Variants in PKNOX2 observed in about 807,000 individuals in gnomAD.
PKNOX2 encodes the protein PBX/knotted 1 homeobox 2.
PKNOX2 carries 14 observed loss-of-function variants against 53.1 expected under a neutral mutation model. That is an observed-to-expected ratio of 0.26 (90% CI 0.17 to 0.41). The LOEUF (loss-of-function observed/expected upper bound fraction) is 0.41. PKNOX2 is among the 10% of genes least tolerant of loss of function. The pLI is 1.00. For synonymous variants in PKNOX2, 257 were observed against 242.8 expected, an observed-to-expected ratio of 1.06 and a Z score of -0.54; for missense variants, 496 against 602.8, an observed-to-expected ratio of 0.82 and a Z score of 1.85.
chr11:125,418,129 G>A (rs1256798199), intron 10 of PKNOX2, among the ~76,000 whole-genome samples: 1 of 151,902 alleles, frequency 6.6e-6, no homozygotes, highest in Non-Finnish European at 1.5e-5. Context: ...AAAAAGAAAG[G>A]TTGTACCCAT....
intron 1 of PKNOX2, among the ~76,000 whole-genome samples, chr11:125,231,180 G>T (rs1238150078): frequency 6.6e-6 from 1 of 152,208 alleles, no homozygotes; most frequent in Non-Finnish European, 1.5e-5. Context: ...CCCCCGGTCT[G>T]GTGCTCTCTG....
At chr11:125,342,312 G>A (rs1950731405) in intron 3 of PKNOX2, among the ~76,000 whole-genome samples, 1 of 152,148 alleles carries the variant, frequency 6.6e-6, no homozygotes, top group South Asian at 2.1e-4. Flanking sequence ...GGTTGCACCA[G>A]AGGTGGAATG....
intron 2 of PKNOX2, among the ~76,000 whole-genome samples, chr11:125,317,282 C>T (rs1949257653): frequency 6.6e-6 from 1 of 152,170 alleles, no homozygotes; most frequent in African/African-American, 2.4e-5. Flanking sequence ...TTCTAAATCC[C>T]TGTTAATGTT....
chr11:125,310,468 C>T (rs1308173999), intron 2 of PKNOX2, among the ~76,000 whole-genome samples: 1 of 151,346 alleles, frequency 6.6e-6, no homozygotes, highest in Non-Finnish European at 1.5e-5. Flanking sequence ...GCACTCCAGC[C>T]TGTGAGATAG....
chr11:125,184,687 C>A (rs978272323), intron 1 of PKNOX2, among the ~76,000 whole-genome samples: 1 of 152,150 alleles, frequency 6.6e-6, no homozygotes, highest in African/African-American at 2.4e-5. Context: ...GACTGCCATT[C>A]CCTGCCCTCT....
intron 2 of PKNOX2, among the ~76,000 whole-genome samples, chr11:125,329,173 A>T (rs1049639515): frequency 1.3e-5 from 2 of 152,248 alleles, no homozygotes; most frequent in African/African-American, 2.4e-5. Context: ...AAATTATAAT[A>T]TATTTTCCTC....
chr11:125,423,932 C>G (rs932658501), intron 10 of PKNOX2, among the ~76,000 whole-genome samples: 1 of 152,156 alleles, frequency 6.6e-6, no homozygotes, highest in Non-Finnish European at 1.5e-5. Flanking sequence ...GAAAACTACA[C>G]AGCGATTAAA....
chr11:125,269,001 C>A (rs575078774), intron 2 of PKNOX2, among the ~76,000 whole-genome samples: 2 of 152,218 alleles, frequency 1.3e-5, no homozygotes, highest in East Asian at 3.9e-4. Context: ...TGTTCTCATG[C>A]CCCTTTTTAC....
intron 6 of PKNOX2, among the ~76,000 whole-genome samples, chr11:125,390,911 T>A (rs1227682681): frequency 6.6e-6 from 1 of 152,192 alleles, no homozygotes; most frequent in African/African-American, 2.4e-5. Flanking sequence ...GGTATTCACC[T>A]TTTTTTCATG....
chr11:125,426,991 C>T (rs1413833802), intron 10 of PKNOX2, among the ~76,000 whole-genome samples: 1 of 152,214 alleles, frequency 6.6e-6, no homozygotes, highest in African/African-American at 2.4e-5. Context: ...GGAGGGCCAG[C>T]ACGTGCGAAG....
At chr11:125,249,489 T>C (rs1943835308) in intron 2 of PKNOX2, among the ~76,000 whole-genome samples, 1 of 152,206 alleles carries the variant, frequency 6.6e-6, no homozygotes. Context: ...TGTGCAGACT[T>C]TTTTCTTGTC....
rs187215344 is a variant in PKNOX2, at chr11:125,298,802, C to T, written c.-129-33017C>T. 3.0e-4 allele frequency among the ~76,000 whole-genome samples: 45 copies of T among 152,270 alleles called. 3 individuals carry two copies. The highest frequency in any genetic ancestry group is 7.0e-4 in the African/African-American group (29 of 41,562). On this transcript the variant is annotated intron_variant, in intron 2 of 12. Coordinates refer to ENST00000298282, the MANE Select transcript of PKNOX2 (RefSeq NM_001382323.2). ...GACCTTGACGTATTCCCGGGGTCTC[C>T]GCAACTCCTGTGGCACACTTGTAGG...
intron 1 of PKNOX2, among the ~76,000 whole-genome samples, chr11:125,203,149 T>G (rs1397907120): frequency 6.6e-6 from 1 of 152,172 alleles, no homozygotes; most frequent in Non-Finnish European, 1.5e-5. Context: ...TAAATATTTA[T>G]TTATATGAGA....
chr11:125,191,561 G>A lies in PKNOX2; in HGVS notation c.-201+26785G>A, dbSNP rs543067090. ...AGTCCCATGATTTGGGGATTGAGCAGTAGACGTCACAGTGCAGTCACCTGC... is the reference window on the plus strand; with the variant it reads ...AGTCCCATGATTTGGGGATTGAGCAATAGACGTCACAGTGCAGTCACCTGC... On this transcript the variant is annotated intron_variant, in intron 1 of 12. Transcript: ENST00000298282. Among the ~76,000 whole-genome samples the A allele has an allele frequency of 6.0e-4, 92 of 152,338 alleles. 1 individual carries two copies. The highest frequency in any genetic ancestry group is 2.1e-3 in the African/African-American group (89 of 41,572).
intron 5 of PKNOX2, among the ~76,000 whole-genome samples, chr11:125,368,829 C>A (rs914561601): frequency 3.4e-4 from 52 of 152,294 alleles, no homozygotes; most frequent in Middle Eastern, 3.4e-3. Context: ...GAGGCTCCTA[C>A]AGGGACTTTA....
At chr11:125,413,693 C>G (rs1281183359) in intron 10 of PKNOX2, among the ~76,000 whole-genome samples, 1 of 152,186 alleles carries the variant, frequency 6.6e-6, no homozygotes, top group Non-Finnish European at 1.5e-5. Context: ...CTTAGGAAGA[C>G]TGTGATGAAG....
chr11:125,373,506 G>A (rs947583871), intron 5 of PKNOX2, among the ~76,000 whole-genome samples: 12 of 152,226 alleles, frequency 7.9e-5, no homozygotes, highest in African/African-American at 2.9e-4. Flanking sequence ...ATTGTCATGA[G>A]GTTTAAGTGA....
chr11:125,385,526 G>A, intron 5 of PKNOX2, 25 bp from the exon 6 acceptor site: 2 of 1,592,446 alleles, frequency 1.3e-6, no homozygotes, highest in Non-Finnish European at 1.7e-6. Context: ...GTGTGCGCAT[G>A]TGTGAGCTCT....
intron 2 of PKNOX2, among the ~76,000 whole-genome samples, chr11:125,259,863 CTTTTT>C (rs531549398): frequency 6.7e-6 from 1 of 148,692 alleles, no homozygotes; most frequent in Non-Finnish European, 1.5e-5. Flanking sequence ...CACCCCCATT[CTTTTT>C]TTTTTAATTC....
Sources: gnomAD v4.1 joint callset for allele counts (sites outside exome capture counted in the v4.1 genomes callset) on GRCh38, gnomAD v4.1.1 for gene constraint, MANE v1.5 for transcripts, NCBI Gene and HGNC (gene_info 2026-07-23, HGNC 2026-07-21) for gene names.